Variants in ZC3H13 observed in about 807,000 individuals in gnomAD.
The protein encoded by ZC3H13 is zinc finger CCCH domain-containing protein 13.
ZC3H13 carries 64 observed loss-of-function variants against 204.1 expected under a neutral mutation model. The ratio of observed to expected loss-of-function variants is 0.31; its 90% CI spans 0.26 to 0.39. The LOEUF is 0.39. ZC3H13 is among the 10% of genes least tolerant of loss of function. ZC3H13 has a pLI of 1.00. For missense variants in ZC3H13, 1,833 were observed against 2,082.7 expected (o/e 0.88, Z 2.33); for synonymous variants, 667 against 693.7 (o/e 0.96, Z 0.60).
At chr13:46,004,366 C>T (rs1358898758) in intron 7 of ZC3H13, among the ~76,000 whole-genome samples, 2 of 151,898 alleles carry the variant, frequency 1.3e-5, no homozygotes, top group African/African-American at 2.4e-5. Flanking sequence ...ATGGTGAAAC[C>T]CTATCTCTAC....
chr13:46,026,195 C>T (rs2042535101), intron 4 of ZC3H13, among the ~76,000 whole-genome samples: 1 of 151,796 alleles, frequency 6.6e-6, no homozygotes, highest in Non-Finnish European at 1.5e-5. Flanking sequence ...ATTAAATTAG[C>T]TCATCTCAGA....
intron 1 of ZC3H13, 119 bp downstream of exon 1, chr13:46,052,274 TGGGATGCTCAA>T (rs1230385580): frequency 1.4e-5 from 5 of 351,196 alleles, no homozygotes; most frequent in African/African-American, 1.1e-4. Context: ...GAGTTAAGGG[TGGGATGCTCAA>T]GGAAAGCTCA....
chr13:46,019,013 A>G (rs1028174760), intron 5 of ZC3H13, among the ~76,000 whole-genome samples: 6 of 152,118 alleles, frequency 3.9e-5, no homozygotes, highest in African/African-American at 1.2e-4. Context: ...CTTTATTGCT[A>G]TTTTGTAGAA....
intron 8 of ZC3H13, among the ~76,000 whole-genome samples, chr13:45,996,748 C>CAAAA (rs79022953): frequency 2.0e-5 from 1 of 50,564 alleles, no homozygotes; most frequent in African/African-American, 6.6e-5. Context: ...TGAATATGTA[C>CAAAA]AAAAAAAAAA....
intron 4 of ZC3H13, among the ~76,000 whole-genome samples, chr13:46,040,670 C>A (rs888033468): frequency 6.6e-6 from 1 of 151,994 alleles, no homozygotes; most frequent in African/African-American, 2.4e-5. Context: ...GATGATAACA[C>A]ACAGAATGGG....
chr13:46,026,988 A>G (rs1194914762), intron 4 of ZC3H13, among the ~76,000 whole-genome samples: 1 of 152,242 alleles, frequency 6.6e-6, no homozygotes, highest in African/African-American at 2.4e-5. Flanking sequence ...AAAATAAACC[A>G]CTGGCTAACC....
intron 4 of ZC3H13, among the ~76,000 whole-genome samples, chr13:46,035,670 C>G (rs897043783): frequency 2.0e-5 from 3 of 152,138 alleles, no homozygotes; most frequent in Admixed American, 2.0e-4. Context: ...TAAATTTTTA[C>G]TTTGGTGACT....
rs374540903 is a variant in ZC3H13 at position 45,986,334 on chromosome 13, T to C, written c.1256-573A>G. Reference sequence around the variant, plus strand: ...CTAGCTGGGTGACGTGGCATGTACCTACAGTGCCAGCTACTTGGGAGGCTG... The same window carrying C: ...CTAGCTGGGTGACGTGGCATGTACCCACAGTGCCAGCTACTTGGGAGGCTG... On this transcript the variant is annotated intron_variant, in intron 9 of 18. Transcript: ENST00000679008. Among the ~76,000 whole-genome samples, 22 of 152,334 alleles carry C rather than the reference T, an allele frequency of 1.4e-4. No individual in the cohort carries two copies. The East Asian group carries it at 4.2e-3, about 29-fold the overall frequency.
intron 2 of ZC3H13, 66 bp from the exon 3 acceptor site, chr13:46,045,130 C>A: frequency 2.9e-6 from 4 of 1,399,524 alleles, no homozygotes; most frequent in Non-Finnish European, 2.9e-6. Flanking sequence ...GCTAGCGGGA[C>A]AAAATTAAAA....
rs563231294 is a variant in ZC3H13 at position 45,997,553 on chromosome 13, C to T, written c.944+5586G>A. On this transcript the variant is annotated intron_variant, in intron 8 of 18. Transcript: ENST00000679008. ...CGGGTTAGAAGCACCTGATACAGAA[C>T]GTTGGACAACTGAGACACAATTATT... is the stretch of plus-strand genomic sequence containing the variant. 9.2e-5 allele frequency among the ~76,000 whole-genome samples: 14 copies of T among 152,260 alleles called. No homozygotes were observed. In the East Asian group the frequency reaches 2.7e-3, roughly 29 times the overall value.
intron 16 of ZC3H13, 40 bp downstream of exon 16, chr13:45,965,240 C>T: frequency 6.2e-7 from 1 of 1,602,926 alleles, no homozygotes. Context: ...TATCATATAA[C>T]AGATAATTTT....
chr13:46,029,489 C>T (rs939072457), intron 4 of ZC3H13, among the ~76,000 whole-genome samples: 12 of 142,800 alleles, frequency 8.4e-5, no homozygotes, highest in South Asian at 2.2e-4. Context: ...AGTGCAGTGG[C>T]GCGATCTCGG....
intron 10 of ZC3H13, among the ~76,000 whole-genome samples, chr13:45,983,200 G>A (rs1156537834): frequency 1.3e-5 from 2 of 151,514 alleles, no homozygotes; most frequent in African/African-American, 4.9e-5. Flanking sequence ...AGACCACTGA[G>A]CCACAAAATA....
intron 4 of ZC3H13, among the ~76,000 whole-genome samples, chr13:46,039,206 C>A (rs577165306): frequency 1.1e-3 from 164 of 152,224 alleles, no homozygotes; most frequent in Middle Eastern, 3.4e-3. Flanking sequence ...AAGAATCAGG[C>A]TTTAAATTTC....
At chr13:45,958,635 A>G (rs1012511370) in intron 18 of ZC3H13, among the ~76,000 whole-genome samples, 3 of 147,088 alleles carry the variant, frequency 2.0e-5, no homozygotes, top group African/African-American at 7.6e-5. Context: ...CACCACCCCA[A>G]ATAAAAATCC....
chr13:46,036,544 T>C lies in ZC3H13; in HGVS notation c.339+5620A>G, dbSNP rs201053392. 4.6e-5 allele frequency among the ~76,000 whole-genome samples: 7 copies of C among 151,710 alleles called. No homozygotes were observed. The East Asian group carries it at 1.4e-3, about 29-fold the overall frequency. On this transcript the variant is annotated intron_variant, in intron 4 of 18. Coordinates refer to ENST00000679008, the MANE Select transcript of ZC3H13 (RefSeq NM_001330564.2). ...AGTGGACAAGGGAAAGAGAACAACA[T>C]TGTGAAGTCTCAAAAGAAAAACCTC...
At chr13:46,021,486 T>A (rs768340635) in intron 4 of ZC3H13, among the ~76,000 whole-genome samples, 1 of 150,632 alleles carries the variant, frequency 6.6e-6, no homozygotes, top group Non-Finnish European at 1.5e-5. Flanking sequence ...TGCTCAAATT[T>A]CTTTCTGAGC....
chr13:45,988,979 G>A lies in ZC3H13; in HGVS notation c.1063C>T (p.Pro355Ser), dbSNP rs2138263996. ...HSPSPRRKRT[P>S]SPSYQRTLTP... is the part of the protein sequence containing the mutation. ...AGTGTCCGCTGATAAGATGGTGAAG[G>A]AGTTCTTTTTCGACGAGGAGAAGGA... Residue 355 changes from proline (P) to serine (S), a missense_variant, in exon 9 of 19, where the codon CCT becomes TCT. Coordinates refer to ENST00000679008, the MANE Select transcript of ZC3H13 (RefSeq NM_001330564.2). The A allele has an allele frequency of 6.2e-7, 1 of 1,614,084 alleles. No individual in the cohort carries two copies. Among genetic ancestry groups the A allele is most frequent in the Non-Finnish European group, 8.5e-7 (1 of 1,179,998 alleles).
In ZC3H13 at chr13:45,985,116, A is replaced by G. The variant is rs1201063496; in HGVS notation, c.1720+181T>C. ...GGGGGGTCTAGCTCAAGCTCCATTT[A>G]TCTTTTGCTATTTTAACTAGTAATT... On this transcript the variant is annotated intron_variant, in intron 10 of 18. Coordinates refer to ENST00000679008, the MANE Select transcript of ZC3H13 (RefSeq NM_001330564.2). Among the ~76,000 whole-genome samples, 6 of 152,196 alleles carry G rather than the reference A, an allele frequency of 3.9e-5. No individual in the cohort carries two copies. The East Asian group carries it at 1.2e-3, about 29-fold the overall frequency.
Sources: gnomAD v4.1 joint callset for allele counts (sites outside exome capture counted in the v4.1 genomes callset) on GRCh38, gnomAD v4.1.1 for gene constraint, MANE v1.5 for transcripts, NCBI Gene and HGNC (gene_info 2026-07-23, HGNC 2026-07-21) for gene names.